SI: variants seen among roughly 807,000 people sequenced by gnomAD.
The protein encoded by SI is sucrase-isomaltase, intestinal.
A neutral mutation model predicts 253.3 loss-of-function variants in SI; 235 were observed. That is an observed-to-expected ratio of 0.93 (90% confidence interval 0.83 to 1.03). The LOEUF is 1.03. Ranked by LOEUF, SI falls within the 50% of genes least tolerant of loss-of-function variation. The probability of loss-of-function intolerance (pLI) is 0.00; values close to 1 mark genes in which losing one functional copy is unlikely to be tolerated. For synonymous variants in SI, 819 were observed against 712.0 expected (o/e 1.15, Z -2.39); for missense variants, 2,442 against 2,211.1 (o/e 1.10, Z -2.09).
rs1719220733 is a variant in SI, at chr3:165,019,783, GA to G, written c.3255-14del. On this transcript the variant is annotated splice_polypyrimidine_tract_variant and intron_variant, in intron 27 of 47. Transcript: ENST00000264382. ...CCAAGAATCCCAACTGAAAACAAAA[GA>G]AAACAAAGCTATGTCTGTCAAAATA... 6.2e-7 allele frequency: 1 copy of G among 1,610,626 alleles called. No individual in the cohort carries two copies. Among genetic ancestry groups the G allele is most frequent in the Non-Finnish European group, 8.5e-7 (1 of 1,177,472 alleles).
rs1713867102 is a variant in SI at position 165,059,270 on chromosome 3, C to T, written c.1176G>A (p.Met392Ile). 1 of 1,612,422 alleles carries T rather than the reference C, an allele frequency of 6.2e-7. No homozygotes were observed. ...CATAAGTAAAGTCTTTCTTGTCTTC[C>T]ATGTAGTCAATATCAGTGACCTGTG... is the stretch of plus-strand genomic sequence containing the variant. Reference protein sequence around the residue: ...FDTQVTDIDYMEDKKDFTYDQ... With the variant: ...FDTQVTDIDYIEDKKDFTYDQ... Residue 392 changes from methionine (M) to isoleucine (I), a missense_variant, in exon 11 of 48, where the codon ATG becomes ATA. Coordinates refer to ENST00000264382, the MANE Select transcript of SI (RefSeq NM_001041.4).
At chr3:164,998,759 A>T in intron 37 of SI, 86 bp from the exon 38 acceptor site, 1 of 1,159,586 alleles carries the variant, frequency 8.6e-7, no homozygotes, top group South Asian at 1.2e-5. Context: ...GTAAAAAAAA[A>T]TAGTGATTTG....
At chr3:165,024,160 A>G (rs1031389862) in intron 25 of SI, among the ~76,000 whole-genome samples, 1 of 151,418 alleles carries the variant, frequency 6.6e-6, no homozygotes, top group African/African-American at 2.4e-5. Context: ...TGGCATTATA[A>G]CATGCCTCTA....
chr3:165,026,254 T>C (rs1488561643), intron 25 of SI, among the ~76,000 whole-genome samples: 2 of 151,312 alleles, frequency 1.3e-5, no homozygotes, highest in South Asian at 2.1e-4. Context: ...TATAAAATGA[T>C]AAAAGGCCTT....
chr3:165,008,238 C>T (rs1272774925), intron 35 of SI, among the ~76,000 whole-genome samples: 1 of 151,612 alleles, frequency 6.6e-6, no homozygotes, highest in African/African-American at 2.4e-5. Flanking sequence ...TGCATTATAC[C>T]CATAAAAATA....
rs118123459 is a variant in SI, at chr3:165,075,496, C to T, written c.118+399G>A. Among the ~76,000 whole-genome samples the T allele has an allele frequency of 1.9e-3, 292 of 151,988 alleles. 8 individuals are homozygous for T. The East Asian group carries it at 0.039, about 21-fold the overall frequency. Reference sequence around the variant, plus strand: ...CTCTCTCCTTAAAATAAAATCTAACCAGAACAAAGAATATTTGCTAAAATC... The same window carrying T: ...CTCTCTCCTTAAAATAAAATCTAACTAGAACAAAGAATATTTGCTAAAATC... On this transcript the variant is annotated intron_variant, in intron 2 of 47. Transcript: ENST00000264382.
intron 7 of SI, among the ~76,000 whole-genome samples, chr3:165,064,829 A>G (rs1714158290): frequency 6.6e-6 from 1 of 152,108 alleles, no homozygotes; most frequent in African/African-American, 2.4e-5. Context: ...AGTTACGGAA[A>G]ATGACTATAT....
Position 165,043,130 on chromosome 3 carries a change from GTTC to G in SI, c.1930_1932del (p.Glu644del). Reference sequence around the variant, plus strand: ...CCAAGTTGCATCCATCTTCTGCAAAGTTCTTCTGTGGTTTCAGCCACAAATCCA... The same window carrying G: ...CCAAGTTGCATCCATCTTCTGCAAAGTTCTGTGGTTTCAGCCACAAATCCA... On this transcript the variant is annotated inframe_deletion, in exon 17 of 48. Coordinates refer to ENST00000264382, the MANE Select transcript of SI (RefSeq NM_001041.4). 1 of 1,612,618 alleles carries G rather than the reference GTTC, an allele frequency of 6.2e-7. No homozygotes were observed.
At chr3:164,986,953 G>C (rs1288880163) in intron 45 of SI, among the ~76,000 whole-genome samples, 185 bp downstream of exon 45, 4 of 152,172 alleles carry the variant, frequency 2.6e-5, no homozygotes, top group Non-Finnish European at 5.9e-5. Flanking sequence ...GATAAGAGAA[G>C]TCTTTAAATG....
chr3:165,083,872 T>C, the SI span, among the ~76,000 whole-genome samples: 31 of 152,028 alleles, frequency 2.0e-4, no homozygotes, highest in Non-Finnish European at 4.3e-4. Context: ...TATAATATCA[T>C]TATAGATAAT....
chr3:165,000,220 T>C (rs1718196242), intron 37 of SI, among the ~76,000 whole-genome samples: 1 of 151,400 alleles, frequency 6.6e-6, no homozygotes, highest in African/African-American at 2.4e-5. Context: ...CTGGAGGATT[T>C]CTTTTTTTTC....
At chr3:165,022,849 G>A (rs1000327837) in intron 26 of SI, among the ~76,000 whole-genome samples, 1 of 151,514 alleles carries the variant, frequency 6.6e-6, no homozygotes, top group East Asian at 1.9e-4. Context: ...CAGCGACTGA[G>A]CTAAAGTGAA....
chr3:165,076,274 C>CAGT (rs949990834), intron 1 of SI, among the ~76,000 whole-genome samples: 1 of 151,608 alleles, frequency 6.6e-6, no homozygotes, highest in South Asian at 2.1e-4. Flanking sequence ...ATGCACATTA[C>CAGT]AGTAGTAGTA....
chr3:164,994,281 G>C lies in SI; in HGVS notation c.4817C>G (p.Thr1606Ser), dbSNP rs376062850. ...CTCATGCAAAAGGGGTCGGATAACA[G>C]TGCCACCATTAGCATGAATTTCATG... ...QMHEIHANGG[T>S]VIRPLLHEFF... Residue 1606 changes from threonine (T) to serine (S), a missense_variant, in exon 41 of 48, where the codon ACT becomes AGT. Transcript: ENST00000264382. The C allele has an allele frequency of 5.0e-6, 8 of 1,610,846 alleles. No homozygotes were observed. Among genetic ancestry groups the C allele is most frequent in the South Asian group, 2.2e-5 (2 of 91,046 alleles).
rs1163361858 is a variant in SI, at chr3:164,979,501, CAA to C, written c.5416-73_5416-72del. On this transcript the variant is annotated intron_variant, in intron 47 of 47. Transcript: ENST00000264382. ...TTTCTTATTTTCATGAATGCTATTT[CAA>C]AAAAGTTTTCTAATAAATAGTATAT... The C allele has an allele frequency of 3.3e-5, 29 of 869,646 alleles. No individual in the cohort carries two copies. The East Asian group carries it at 7.0e-4, about 21-fold the overall frequency. 53.9% of individuals were successfully genotyped at this position (869,646 alleles called of 1,614,324 possible).
chr3:165,084,421 A>T, the SI span, among the ~76,000 whole-genome samples: 1,752 of 152,140 alleles, frequency 0.012, 35 homozygotes, highest in African/African-American at 0.04. Context: ...AGTTATATTT[A>T]AAAAACATTC....
At chr3:164,986,329 T>C (rs1274014035) in intron 45 of SI, among the ~76,000 whole-genome samples, 1 of 152,180 alleles carries the variant, frequency 6.6e-6, no homozygotes, top group African/African-American at 2.4e-5. Flanking sequence ...AAGCTAGCTA[T>C]AAAGCCTAGA....
intron 3 of SI, among the ~76,000 whole-genome samples, chr3:165,074,148 A>T (rs1304532079): frequency 6.6e-6 from 1 of 152,102 alleles, no homozygotes; most frequent in Non-Finnish European, 1.5e-5. Context: ...TGTTTTCCAC[A>T]GATACTTCTT....
At chr3:165,077,698 G>A (rs1427923400) in intron 1 of SI, among the ~76,000 whole-genome samples, 1 of 151,612 alleles carries the variant, frequency 6.6e-6, no homozygotes, top group Non-Finnish European at 1.5e-5. Context: ...TTAAATAAGT[G>A]TAAATCTCAT....
Sources: gnomAD v4.1 joint callset for allele counts (sites outside exome capture counted in the v4.1 genomes callset) on GRCh38, gnomAD v4.1.1 for gene constraint, MANE v1.5 for transcripts, NCBI Gene and HGNC (gene_info 2026-07-23, HGNC 2026-07-21) for gene names.